The following CCDC187 variants were observed in gnomAD, a reference collection of about 807,000 sequenced individuals.
The protein encoded by CCDC187 is coiled-coil domain-containing protein 187.
A neutral mutation model predicts 38.0 loss-of-function variants in CCDC187; 32 were observed. The observed-to-expected ratio is 0.84, with a 90% CI of 0.64 to 1.13. The LOEUF (loss-of-function observed/expected upper bound fraction) is 1.13, where lower values mean the gene tolerates loss of function less well. Among genes scored for constraint, CCDC187 ranks in the 50% most tolerant of loss-of-function variants. The pLI is 0.00. For missense variants in CCDC187, 707 were observed against 786.8 expected (o/e 0.90, Z 1.21); for synonymous variants, 333 against 347.9 (o/e 0.96, Z 0.48).
At chr9:136,303,401 G>T (rs1831738403) in intron 1 of CCDC187, 108 bp from the exon 2 acceptor site, 1 of 378,364 alleles carries the variant, frequency 2.6e-6, no homozygotes, top group Non-Finnish European at 4.7e-6. Flanking sequence ...CCACAGACTG[G>T]AGGTGGAAAG....
At chr9:136,293,778 G>T (rs1284364003) in intron 4 of CCDC187, among the ~76,000 whole-genome samples, 1 of 150,400 alleles carries the variant, frequency 6.6e-6, no homozygotes, top group East Asian at 2.0e-4. Context: ...GCTCACACAC[G>T]GTCTCATCCT....
At chr9:136,294,611 C>A (rs1831489529) in intron 4 of CCDC187, among the ~76,000 whole-genome samples, 1 of 152,210 alleles carries the variant, frequency 6.6e-6, no homozygotes, top group African/African-American at 2.4e-5. Context: ...AGGGACTTCC[C>A]TAGCACCCCC....
intron 9 of CCDC187, 66 bp from the exon 10 acceptor site, chr9:136,281,729 C>G (rs917532416): frequency 5.0e-6 from 2 of 398,386 alleles, no homozygotes. Flanking sequence ...CAGGGAGATC[C>G]GGGGGACAGC....
chr9:136,267,379 C>G lies in CCDC187; in HGVS notation c.3647+5G>C, dbSNP rs1369725186. ...GCGGGGCCGGCGCCAGGCGCATGCG[C>G]TCACCCTCGTCGATGCTCCAGCCAG... On this transcript the variant is annotated splice_donor_5th_base_variant and intron_variant, in intron 16 of 25. Transcript: ENST00000638797. The G allele has an allele frequency of 6.1e-6, 6 of 985,372 alleles. No homozygotes were observed. The highest frequency in any genetic ancestry group is 1.8e-5 in the African/African-American group (1 of 57,136). The allele number at this position is 985,372 out of a possible 1,614,324, so 61.0% of individuals were successfully genotyped here.
Position 136,252,624 on chromosome 9 carries a change from C to A in CCDC187, c.*970G>T. On this transcript the variant is annotated 3_prime_UTR_variant, in exon 26 of 26. Coordinates refer to ENST00000638797, the MANE Select transcript of CCDC187 (RefSeq NM_001378188.1). ...GTCCAGGCCTCTAGGTTCTTACTCC[C>A]ACGTGTGCATGTGTATGCCACACAC... The A allele has an allele frequency of 6.0e-6, 1 of 166,794 alleles. No homozygotes were observed. The highest frequency in any genetic ancestry group is 1.2e-4 in the South Asian group (1 of 8,464). The allele number at this position is 166,794 out of a possible 1,614,324, so 10.3% of individuals were successfully genotyped here. A position where few individuals can be genotyped will look rare whatever the true frequency, so the allele number is the denominator to read the frequency against.
In CCDC187 at chr9:136,281,542, C is replaced by T. The variant is rs1377639334; in HGVS notation, c.3040+9G>A. On this transcript the variant is annotated intron_variant, in intron 10 of 25. Coordinates refer to ENST00000638797, the MANE Select transcript of CCDC187 (RefSeq NM_001378188.1). ...CCAGCCCAGGGCCTGTCCGCAGGGT[C>T]GCCCTTACCGCAGCTCCGGGGGGTG... 1 of 398,612 alleles carries T rather than the reference C, an allele frequency of 2.5e-6. No individual in the cohort carries two copies. Among genetic ancestry groups the T allele is most frequent in the East Asian group, 3.6e-5 (1 of 28,074 alleles). 24.7% of individuals were successfully genotyped at this position (398,612 alleles called of 1,614,324 possible). A position where few individuals can be genotyped will look rare whatever the true frequency, so the allele number is the denominator to read the frequency against.
At chr9:136,306,182 C>A (rs1001941855), upstream of CCDC187, among the ~76,000 whole-genome samples, 134 of 152,312 alleles carry the variant, frequency 8.8e-4, 3 homozygotes, top group East Asian at 8.7e-3. Context: ...GCCAGGCCCC[C>A]CTGTCCCCAG....
intron 18 of CCDC187, 143 bp from the exon 19 acceptor site, chr9:136,262,605 G>T: frequency 1.6e-6 from 1 of 631,144 alleles, no homozygotes; most frequent in African/African-American, 2.0e-5. Context: ...GTGCCAGGCT[G>T]AGACAGGACC....
In CCDC187 at chr9:136,299,583, C is replaced by T. The variant is rs975638801; in HGVS notation, c.724+637G>A. On this transcript the variant is annotated intron_variant, in intron 3 of 25. Transcript: ENST00000638797. ...AGTGAGCCTGCCCAAGCCCAGCTCA[C>T]GGCCATTCCCTGCCTAGACCTTAAT... Among the ~76,000 whole-genome samples the T allele has an allele frequency of 1.5e-4, 23 of 152,368 alleles. No individual in the cohort carries two copies. The East Asian group carries it at 3.5e-3, about 23-fold the overall frequency.
In CCDC187 at chr9:136,254,958, G is replaced by A. The variant is rs1830594698; in HGVS notation, c.4870C>T (p.Leu1624=). 1.0e-6 allele frequency: 1 copy of A among 985,392 alleles called. No homozygotes were observed. The highest frequency in any genetic ancestry group is 1.2e-6 in the Non-Finnish European group (1 of 829,966). The allele number at this position is 985,392 out of a possible 1,614,324, so 61.0% of individuals were successfully genotyped here. Reference sequence around the variant, plus strand: ...AACTCCCAGAGAGAGGGACAGGACAGGCTGCTCACAGAGCCTGCTGGGGAG... The same window carrying A: ...AACTCCCAGAGAGAGGGACAGGACAAGCTGCTCACAGAGCCTGCTGGGGAG... The part of the protein sequence containing the change: ...HTSPAGSVSS[L]SCPSLWEFQK... The change falls in exon 26 of 26, where the codon CTG becomes TTG. Residue 1624 remains leucine (L), a synonymous_variant. Transcript: ENST00000638797.
At chr9:136,285,714 TG>T (rs1831162997) in intron 8 of CCDC187, 108 bp from the exon 9 acceptor site, 4 of 397,108 alleles carry the variant, frequency 1.0e-5, no homozygotes, top group Non-Finnish European at 1.8e-5. Context: ...CTGACAGGGG[TG>T]GGGGTGTGGC....
intron 9 of CCDC187, among the ~76,000 whole-genome samples, chr9:136,283,819 C>T (rs1007070178): frequency 4.6e-5 from 7 of 152,232 alleles, no homozygotes; most frequent in Non-Finnish European, 8.8e-5. Flanking sequence ...GCCTCCGCCT[C>T]TGCCTCCCAC....
intron 4 of CCDC187, among the ~76,000 whole-genome samples, chr9:136,293,193 TCA>T (rs1476321755): frequency 4.8e-5 from 6 of 124,822 alleles, no homozygotes; most frequent in African/African-American, 9.5e-5. Flanking sequence ...ACTCACATGC[TCA>T]CACACTCACA....
intron 14 of CCDC187, among the ~76,000 whole-genome samples, chr9:136,273,179 C>T (rs782515144): frequency 1.3e-5 from 2 of 152,206 alleles, no homozygotes; most frequent in Admixed American, 6.5e-5. Context: ...TCCGTCATCA[C>T]GTTCAATGTG....
In CCDC187 at chr9:136,263,818, A is replaced by G. The variant is rs1472939097; in HGVS notation, c.3736-20T>C. On this transcript the variant is annotated intron_variant, in intron 17 of 25. Transcript: ENST00000638797. ...TTCCCTCTGAGCAGGCAAAATAAGC[A>G]GATGTCAGCATAACCCCGGAGCCAG... 7 of 985,500 alleles carry G rather than the reference A, an allele frequency of 7.1e-6. No individual in the cohort carries two copies. The highest frequency in any genetic ancestry group is 7.2e-6 in the Non-Finnish European group (6 of 829,944). 61.0% of individuals were successfully genotyped at this position (985,500 alleles called of 1,614,324 possible).
intron 14 of CCDC187, among the ~76,000 whole-genome samples, chr9:136,270,984 A>C (rs550808855): frequency 1.1e-4 from 17 of 152,234 alleles, no homozygotes; most frequent in Non-Finnish European, 2.4e-4. Context: ...GATCATCTCT[A>C]TATCTAATTT....
At chr9:136,305,405 C>T (rs1444677746), upstream of CCDC187, among the ~76,000 whole-genome samples, 2 of 152,202 alleles carry the variant, frequency 1.3e-5, no homozygotes, top group African/African-American at 2.4e-5. Flanking sequence ...TTCCAGCCCC[C>T]TTCCATTCCT....
intron 9 of CCDC187, among the ~76,000 whole-genome samples, chr9:136,283,598 G>A (rs1831099136): frequency 6.6e-6 from 1 of 152,234 alleles, no homozygotes; most frequent in Non-Finnish European, 1.5e-5. Context: ...AGGGCTGTGG[G>A]GGTGGAGGGC....
intron 9 of CCDC187, among the ~76,000 whole-genome samples, chr9:136,284,011 A>C (rs1831111220): frequency 6.6e-6 from 1 of 152,114 alleles, no homozygotes; most frequent in South Asian, 2.1e-4. Context: ...GCAGGCACCA[A>C]GCCCGCCATC....
Sources: gnomAD v4.1 joint callset for allele counts (sites outside exome capture counted in the v4.1 genomes callset) on GRCh38, gnomAD v4.1.1 for gene constraint, MANE v1.5 for transcripts, NCBI Gene and HGNC (gene_info 2026-07-23, HGNC 2026-07-21) for gene names.